Variants in MCHR2 observed in about 807,000 individuals in gnomAD.
MCHR2 encodes the protein melanin-concentrating hormone receptor 2.
Under a neutral mutation model 24.8 loss-of-function variants are expected in MCHR2, and 15 were observed. The observed-to-expected ratio is 0.60, with a 90% CI of 0.40 to 0.93. The LOEUF (loss-of-function observed/expected upper bound fraction) is 0.93. MCHR2 is among the 40% of genes least tolerant of loss of function. MCHR2 has a pLI of 0.00. For missense variants in MCHR2, 386 were observed against 408.7 expected, an observed-to-expected ratio of 0.94 and a Z score of 0.48; for synonymous variants, 151 against 147.6, an observed-to-expected ratio of 1.02 and a Z score of -0.17.
At chr6:99,955,264 A>G (rs561155680) in intron 2 of MCHR2, among the ~76,000 whole-genome samples, 65 of 152,312 alleles carry the variant, frequency 4.3e-4, no homozygotes, top group African/African-American at 1.3e-3. Context: ...AAGTCCCTAG[A>G]AAACAAATAA....
At chr6:99,931,294 A>T (rs912115959) in intron 5 of MCHR2, among the ~76,000 whole-genome samples, 12 of 152,050 alleles carry the variant, frequency 7.9e-5, no homozygotes, top group Non-Finnish European at 1.8e-4. Context: ...GGGGTCAGGG[A>T]CCCATTTGAG....
At chr6:99,922,529 ATTTAAGTC>A (rs1774259969) in intron 5 of MCHR2, among the ~76,000 whole-genome samples, 1 of 152,142 alleles carries the variant, frequency 6.6e-6, no homozygotes, top group Non-Finnish European at 1.5e-5. Context: ...GAAGTCTTAG[ATTTAAGTC>A]TTTAATCCAC....
intron 1 of MCHR2, among the ~76,000 whole-genome samples, chr6:99,979,645 T>A (rs1381191561): frequency 4.9e-4 from 75 of 152,370 alleles, no homozygotes; most frequent in Admixed American, 4.9e-3. Flanking sequence ...CTTTTTAATG[T>A]GGCTACTAAA....
chr6:99,954,255 T>G (rs986205975), intron 2 of MCHR2, among the ~76,000 whole-genome samples: 4 of 152,148 alleles, frequency 2.6e-5, no homozygotes, highest in African/African-American at 9.7e-5. Context: ...TGAACCTCTT[T>G]TCTTAAATGG....
intron 5 of MCHR2, among the ~76,000 whole-genome samples, chr6:99,921,969 T>C (rs1371322287): frequency 2.0e-5 from 3 of 152,240 alleles, no homozygotes; most frequent in Non-Finnish European, 2.9e-5. Context: ...TTCTGTTTTA[T>C]GGCTGAATAG....
intron 1 of MCHR2, among the ~76,000 whole-genome samples, chr6:99,984,206 TCTA>T (rs1457917671): frequency 1.3e-5 from 2 of 151,624 alleles, no homozygotes; most frequent in African/African-American, 4.8e-5. Flanking sequence ...CATTTATTTC[TCTA>T]CATTTTTCAC....
chr6:99,934,286 C>A (rs1774605848), intron 5 of MCHR2, 112 bp downstream of exon 5: 2 of 1,113,136 alleles, frequency 1.8e-6, no homozygotes, highest in East Asian at 5.6e-5. Flanking sequence ...ATATCAATGT[C>A]CACATGTCTA....
chr6:99,940,516 C>T (rs908856697), intron 4 of MCHR2, among the ~76,000 whole-genome samples: 2 of 151,914 alleles, frequency 1.3e-5, no homozygotes, highest in African/African-American at 2.4e-5. Context: ...ACTGAGTTTC[C>T]TAAAAACCAC....
At chr6:99,979,353 A>G (rs954912635) in intron 1 of MCHR2, among the ~76,000 whole-genome samples, 1 of 152,046 alleles carries the variant, frequency 6.6e-6, no homozygotes, top group Non-Finnish European at 1.5e-5. Flanking sequence ...ATTTATTCCT[A>G]TCACCTAAGA....
intron 1 of MCHR2, among the ~76,000 whole-genome samples, chr6:99,959,253 C>T (rs147892846): frequency 1.1e-4 from 16 of 152,072 alleles, no homozygotes; most frequent in African/African-American, 2.6e-4. Context: ...AGAAATTATG[C>T]GTTTCAGGAA....
At chr6:99,974,841 G>T (rs916875711) in intron 1 of MCHR2, among the ~76,000 whole-genome samples, 3 of 152,150 alleles carry the variant, frequency 2.0e-5, no homozygotes, top group Admixed American at 2.0e-4. Flanking sequence ...TGTTTGCCTG[G>T]GTATCAGCAG....
chr6:99,928,286 G>T (rs1774417181), intron 5 of MCHR2, among the ~76,000 whole-genome samples: 1 of 152,162 alleles, frequency 6.6e-6, no homozygotes, highest in Non-Finnish European at 1.5e-5. Flanking sequence ...AAGGATATTG[G>T]TCTACAATTC....
At chr6:99,956,678 G>C (rs1325679243) in intron 1 of MCHR2, among the ~76,000 whole-genome samples, 1 of 152,114 alleles carries the variant, frequency 6.6e-6, no homozygotes. Flanking sequence ...GCATGAGGGA[G>C]AGTTAGCTCA....
intron 5 of MCHR2, among the ~76,000 whole-genome samples, chr6:99,923,082 A>G (rs1562115736): frequency 6.6e-6 from 1 of 152,024 alleles, no homozygotes; most frequent in Non-Finnish European, 1.5e-5. Flanking sequence ...AGTGTTTTAT[A>G]GTTTTCATTA....
intron 1 of MCHR2, among the ~76,000 whole-genome samples, chr6:99,981,435 T>C (rs1231906534): frequency 7.8e-6 from 1 of 128,082 alleles, no homozygotes; most frequent in Non-Finnish European, 1.7e-5. Flanking sequence ...CACTGGAGTC[T>C]GGCCGCTGGG....
At chr6:99,972,702 G>A (rs1203720287) in intron 1 of MCHR2, among the ~76,000 whole-genome samples, 2 of 152,002 alleles carry the variant, frequency 1.3e-5, no homozygotes, top group African/African-American at 4.8e-5. Context: ...GGCATTTAGT[G>A]CTATAAATTT....
At chr6:99,978,420 G>GTTT (rs3996890) in intron 1 of MCHR2, among the ~76,000 whole-genome samples, 50,669 of 104,134 alleles carry the variant, frequency 0.49, 14,579 homozygotes, top group Non-Finnish European at 0.52. Context: ...GGTCAAGACA[G>GTTT]TTTTTTTTTT....
At chr6:99,960,511 C>A (rs1775162878) in intron 1 of MCHR2, among the ~76,000 whole-genome samples, 1 of 152,104 alleles carries the variant, frequency 6.6e-6, no homozygotes, top group Admixed American at 6.6e-5. Context: ...CAAAAAAGAG[C>A]CCCCATAGCC....
At position 99,954,006 on chromosome 6, in the gene MCHR2, C is replaced by T. The variant is rs974593284; in HGVS notation, c.182+1960G>A. ...CGCCACCTGGGGAAGTGACAAGTTA[C>T]GAGCCTTCTCGGGGTGACCTTCTCA... On this transcript the variant is annotated intron_variant, in intron 2 of 5. Coordinates refer to ENST00000281806, the MANE Select transcript of MCHR2 (RefSeq NM_001040179.2). Among the ~76,000 whole-genome samples the T allele has an allele frequency of 7.9e-5, 12 of 152,002 alleles. 1 individual carries two copies. In the East Asian group the frequency reaches 2.3e-3, roughly 29 times the overall value.
Sources: gnomAD v4.1 joint callset for allele counts (sites outside exome capture counted in the v4.1 genomes callset) on GRCh38, gnomAD v4.1.1 for gene constraint, MANE v1.5 for transcripts, NCBI Gene and HGNC (gene_info 2026-07-23, HGNC 2026-07-21) for gene names.